The following RBFOX3 variants were observed in gnomAD, a reference collection of about 807,000 sequenced individuals.
RBFOX3 encodes RNA binding fox-1 homolog 3, also known as RNA binding protein fox-1 homolog 3.
RBFOX3 carries 17 observed loss-of-function variants against 48.7 expected under a neutral mutation model. That is an observed-to-expected ratio of 0.35 (90% confidence interval 0.24 to 0.52). The LOEUF is 0.52. RBFOX3 is among the 20% of genes least tolerant of loss of function. The pLI, the probability that RBFOX3 is intolerant of heterozygous loss-of-function variation, is 0.94. For missense variants in RBFOX3, 382 were observed against 497.5 expected, an observed-to-expected ratio of 0.77 and a Z score of 2.21; for synonymous variants, 212 against 209.5, an observed-to-expected ratio of 1.01 and a Z score of -0.10.
chr17:79,240,316 C>T (rs1208931642), intron 3 of RBFOX3, among the ~76,000 whole-genome samples: 1 of 152,208 alleles, frequency 6.6e-6, no homozygotes, highest in Non-Finnish European at 1.5e-5. Context: ...ATGTCAAAAT[C>T]AGACCACTCC....
At chr17:79,620,061 A>G in the RBFOX3 span, among the ~76,000 whole-genome samples, 13 of 150,028 alleles carry the variant, frequency 8.7e-5, no homozygotes, top group South Asian at 6.3e-4. Flanking sequence ...ATGCACACAT[A>G]TGTACATGCA....
the RBFOX3 span, among the ~76,000 whole-genome samples, chr17:79,651,137 C>T: frequency 6.6e-5 from 10 of 152,230 alleles, no homozygotes; most frequent in African/African-American, 2.4e-4. Context: ...TGGTGATGCA[C>T]CCCTTCTTGG....
At chr17:79,278,262 C>T (rs55669847) in intron 3 of RBFOX3, among the ~76,000 whole-genome samples, 32,212 of 152,176 alleles carry the variant, frequency 0.21, 3,626 homozygotes, top group Non-Finnish European at 0.26. Flanking sequence ...AGGCTGCCTG[C>T]AGTAACAGCA....
At chr17:79,520,847 A>C (rs1165947181) in intron 1 of RBFOX3, among the ~76,000 whole-genome samples, 1 of 152,176 alleles carries the variant, frequency 6.6e-6, no homozygotes, top group East Asian at 1.9e-4. Flanking sequence ...ACTGGCTTCT[A>C]TTTGAAGTCG....
chr17:79,399,806 G>A (rs1281837417), intron 2 of RBFOX3, among the ~76,000 whole-genome samples: 2 of 152,240 alleles, frequency 1.3e-5, no homozygotes, highest in South Asian at 2.1e-4. Flanking sequence ...GGGCGCTCCC[G>A]TCTTCAGCAA....
chr17:79,415,184 G>A (rs2065128617), intron 2 of RBFOX3, among the ~76,000 whole-genome samples: 1 of 152,328 alleles, frequency 6.6e-6, no homozygotes, highest in Non-Finnish European at 1.5e-5. Context: ...CTTTGCCGAG[G>A]TACCTGGGCC....
chr17:79,286,859 C>T (rs2072029619), intron 3 of RBFOX3, among the ~76,000 whole-genome samples: 1 of 152,200 alleles, frequency 6.6e-6, no homozygotes, highest in African/African-American at 2.4e-5. Context: ...CGCCCTGGTG[C>T]CCTCCTCAGA....
At chr17:79,553,696 CCTTGGGTTTT>C (rs1456349588) in intron 1 of RBFOX3, among the ~76,000 whole-genome samples, 2 of 151,826 alleles carry the variant, frequency 1.3e-5, no homozygotes, top group Non-Finnish European at 2.9e-5. Context: ...ATTATGTGTT[CCTTGGGTTTT>C]CTTGGGGTTT....
chr17:79,604,209 G>A (rs2093775667), intron 1 of RBFOX3, among the ~76,000 whole-genome samples: 1 of 152,174 alleles, frequency 6.6e-6, no homozygotes, highest in African/African-American at 2.4e-5. Context: ...GAAACTAACT[G>A]AGTGAAGACT....
intron 1 of RBFOX3, chr17:79,599,295 G>A (rs1413847402): frequency 6.6e-6 from 1 of 152,418 alleles, no homozygotes; most frequent in East Asian, 1.9e-4. Flanking sequence ...CCCACACTCG[G>A]AGATTCTCAG....
At chr17:79,558,600 C>T (rs990974304) in intron 1 of RBFOX3, among the ~76,000 whole-genome samples, 6 of 152,110 alleles carry the variant, frequency 3.9e-5, no homozygotes, top group Non-Finnish European at 8.8e-5. Flanking sequence ...CCCTCCCGGC[C>T]GGGCTCCATG....
chr17:79,556,080 A>G (rs2091732726), intron 1 of RBFOX3, among the ~76,000 whole-genome samples: 1 of 152,198 alleles, frequency 6.6e-6, no homozygotes, highest in Non-Finnish European at 1.5e-5. Flanking sequence ...CATACTTGCA[A>G]TCATCCAGAC....
chr17:79,292,737 GCTTT>G (rs1349124902), intron 3 of RBFOX3, among the ~76,000 whole-genome samples: 1 of 152,142 alleles, frequency 6.6e-6, no homozygotes, highest in African/African-American at 2.4e-5. Flanking sequence ...AGATCCTTTT[GCTTT>G]CTTTCCTCCG....
At chr17:79,626,314 A>G in the RBFOX3 span, among the ~76,000 whole-genome samples, 1 of 152,024 alleles carries the variant, frequency 6.6e-6, no homozygotes, top group Admixed American at 6.5e-5. Context: ...CCTCCTAGCC[A>G]CTTCTCTTTG....
Position 79,418,092 on chromosome 17 carries a change from C to G in RBFOX3, c.-175+64362G>C, listed in dbSNP as rs535975679. On this transcript the variant is annotated intron_variant, in intron 2 of 14. Coordinates refer to ENST00000693108, the MANE Select transcript of RBFOX3 (RefSeq NM_001350451.2). This position sits in a 1 kb window ranked among gnomAD's most constrained non-coding sequence, Gnocchi z 5.0. ...AAGGGGGCTTCGTGTTTCCTGGGGA[C>G]AGAGCTTCAGGTTAGAAAGATGAGA... 1.3e-5 allele frequency among the ~76,000 whole-genome samples: 2 copies of G among 152,168 alleles called. No individual in the cohort carries two copies. The highest frequency in any genetic ancestry group is 2.9e-5 in the Non-Finnish European group (2 of 68,036).
chr17:79,620,497 G>A, the RBFOX3 span, among the ~76,000 whole-genome samples: 59 of 122,560 alleles, frequency 4.8e-4, no homozygotes, highest in South Asian at 4.0e-3. Context: ...GCACACACGC[G>A]CACACACATG....
At chr17:79,609,525 T>A (rs1403636838) in intron 1 of RBFOX3, among the ~76,000 whole-genome samples, 1 of 152,060 alleles carries the variant, frequency 6.6e-6, no homozygotes, top group Non-Finnish European at 1.5e-5. Flanking sequence ...TTTTTAAAAG[T>A]GATCATTAAA....
Position 79,331,411 on chromosome 17 carries a change from G to C in RBFOX3, c.-174-23587C>G, listed in dbSNP as rs183646862. Among the ~76,000 whole-genome samples the C allele has an allele frequency of 1.7e-3, 259 of 152,254 alleles. 1 individual carries two copies. The highest frequency in any genetic ancestry group is 3.4e-3 in the Middle Eastern group (1 of 294). ...CCCCTTCCTGCCTCCAAAGCCTCTG[G>C]GGGGTGCATCACTGTCAGGGTGGGT... On this transcript the variant is annotated intron_variant, in intron 2 of 14. Transcript: ENST00000693108.
At position 79,595,452 on chromosome 17, in the gene RBFOX3, A is replaced by G. The variant is rs963422833; in HGVS notation, c.-320+15374T>C. Among the ~76,000 whole-genome samples the G allele has an allele frequency of 3.0e-3, 451 of 152,342 alleles. 2 individuals carry two copies. Among genetic ancestry groups the G allele is most frequent in the African/African-American group, 0.01 (434 of 41,578 alleles). On this transcript the variant is annotated intron_variant, in intron 1 of 14. Coordinates refer to ENST00000693108, the MANE Select transcript of RBFOX3 (RefSeq NM_001350451.2). The stretch of plus-strand genomic sequence containing the variant: ...CCAGGTCCACACGCTTTAGGATTAA[A>G]TCACACTGACGGTTCTGCCGTCTTT...
Sources: allele counts gnomAD v4.1 joint callset (sites outside exome capture counted in the v4.1 genomes callset), GRCh38; gene constraint gnomAD v4.1.1; non-coding constraint Gnocchi (gnomAD v3.1); transcripts MANE v1.5; gene names NCBI Gene and HGNC (gene_info 2026-07-23, HGNC 2026-07-21).